The following PRSS55 variants were observed in gnomAD, a reference collection of about 807,000 sequenced individuals.
The protein encoded by PRSS55 is serine protease 55, also known as probable serine protease UNQ9391/PRO34284.
Under a neutral mutation model 23.6 loss-of-function variants are expected in PRSS55, and 41 were observed. The observed-to-expected ratio is 1.74, with a 90% confidence interval of 1.35 to 2.26. The LOEUF (loss-of-function observed/expected upper bound fraction) is 2.26. PRSS55 is among the 30% of genes most tolerant of loss of function. The pLI is 0.00. For synonymous variants in PRSS55, 262 were observed against 175.5 expected (o/e 1.49, Z -3.90); for missense variants, 669 against 439.1 (o/e 1.52, Z -4.68).
chr8:10,542,547 G>C (rs1812687425), downstream of PRSS55, among the ~76,000 whole-genome samples: 1 of 151,976 alleles, frequency 6.6e-6, no homozygotes, highest in Non-Finnish European at 1.5e-5. Flanking sequence ...TTTGTGGTGG[G>C]TAATTTGAGA....
chr8:10,549,110 G>A (rs911202434), intron 4 of PRSS55, among the ~76,000 whole-genome samples: 6 of 152,162 alleles, frequency 3.9e-5, no homozygotes, highest in South Asian at 2.1e-4. Flanking sequence ...GAAAACATTC[G>A]CTTACCCTGG....
intron 4 of PRSS55, among the ~76,000 whole-genome samples, chr8:10,551,218 C>T (rs144436922): frequency 1.2e-4 from 19 of 152,300 alleles, no homozygotes; most frequent in Non-Finnish European, 2.6e-4. Context: ...AGGAAGCAAT[C>T]GGGCACACAG....
downstream of PRSS55, among the ~76,000 whole-genome samples, chr8:10,541,724 G>A (rs1298371577): frequency 6.6e-6 from 1 of 152,138 alleles, no homozygotes; most frequent in Non-Finnish European, 1.5e-5. Context: ...CTGTGAAGGG[G>A]CTTCTTAGAA....
chr8:10,529,266 A>G lies in PRSS55; in HGVS notation c.155-241A>G, dbSNP rs920827116. 16 of 568,922 alleles carry G rather than the reference A, an allele frequency of 2.8e-5. No homozygotes were observed. In the East Asian group the frequency reaches 4.8e-4, roughly 17 times the overall value. The allele number at this position is 568,922 out of a possible 1,614,324, so 35.2% of individuals were successfully genotyped here. On this transcript the variant is annotated intron_variant, in intron 1 of 4. Transcript: ENST00000328655. ...ACTCTCCTGAGGTCACAAATGCTGG[A>G]TAGAGTCAGAGCCAATGCTTCTGAC...
In PRSS55 at chr8:10,525,732, A is replaced by G. The variant is rs564137150; in HGVS notation, c.147A>G (p.Pro49=). ...CTCAGCCCCCTCATCCCCCCAGCCC[A>G]GTCAGTGGTGAGTACAGGGGCAGAA... ...HRPQPPHPPS[P]VSECGDRSIF... The change falls in exon 1 of 5, where the codon CCA becomes CCG. Residue 49 remains proline (P), a synonymous_variant. Transcript: ENST00000328655. 1.2e-6 allele frequency: 2 copies of G among 1,605,962 alleles called. No homozygotes were observed. Among genetic ancestry groups the G allele is most frequent in the Admixed American group, 3.4e-5 (2 of 58,684 alleles).
At chr8:10,547,210 G>A (rs903601866) in intron 4 of PRSS55, among the ~76,000 whole-genome samples, 15 of 152,164 alleles carry the variant, frequency 9.9e-5, no homozygotes, top group African/African-American at 3.1e-4. Context: ...ACTCTTTCCA[G>A]AGTGAGCCGC....
At chr8:10,534,820 T>G (rs1246802268) in intron 4 of PRSS55, among the ~76,000 whole-genome samples, 1 of 152,208 alleles carries the variant, frequency 6.6e-6, no homozygotes, top group Admixed American at 6.5e-5. Flanking sequence ...GAAAACCCCA[T>G]AGTCTCTGCC....
chr8:10,534,155 A>G (rs1404627986), intron 4 of PRSS55, among the ~76,000 whole-genome samples: 1 of 152,202 alleles, frequency 6.6e-6, no homozygotes, highest in Non-Finnish European at 1.5e-5. Context: ...TGCACACAGA[A>G]TTGAGACTTC....
chr8:10,531,518 G>C lies in PRSS55; in HGVS notation c.571G>C (p.Val191Leu), dbSNP rs200269616. The part of the protein sequence containing the change: ...PGPATWRECW[V>L]AGWGQTNAAD... ...CCCTGCCACATGGCGCGAATGCTGG[G>C]TGGCAGGTTGGGGCCAGACCAATGC... Residue 191 changes from valine (V) to leucine (L), a missense_variant, in exon 3 of 5, where the codon GTG becomes CTG. Transcript: ENST00000328655. The C allele has an allele frequency of 5.0e-6, 8 of 1,613,818 alleles. No individual in the cohort carries two copies. In the East Asian group the frequency reaches 1.6e-4, roughly 31 times the overall value.
chr8:10,547,966 A>T (rs1156871964), intron 4 of PRSS55, among the ~76,000 whole-genome samples: 1 of 152,042 alleles, frequency 6.6e-6, no homozygotes, highest in Admixed American at 6.5e-5. Flanking sequence ...ACAGGGAAGA[A>T]GGAGTGTGGG....
intron 4 of PRSS55, among the ~76,000 whole-genome samples, chr8:10,549,835 T>G (rs1052523874): frequency 2.6e-5 from 4 of 152,214 alleles, no homozygotes. Context: ...AAGGTGGTGG[T>G]AAGGCCCTGT....
At chr8:10,526,420 C>G (rs927232728) in intron 1 of PRSS55, among the ~76,000 whole-genome samples, 1 of 152,236 alleles carries the variant, frequency 6.6e-6, no homozygotes. Context: ...CCTGTGCACA[C>G]CACTTCTTGC....
At chr8:10,549,952 G>T (rs1392341660) in intron 4 of PRSS55, among the ~76,000 whole-genome samples, 1 of 152,170 alleles carries the variant, frequency 6.6e-6, no homozygotes, top group Non-Finnish European at 1.5e-5. Flanking sequence ...GACAGTCTCA[G>T]TCTATTGCTC....
In PRSS55 at chr8:10,529,794, C is replaced by A. The variant is rs889346363; in HGVS notation, c.347+95C>A. ...ACACCTGGTGGCTGAGAGGAACCTG[C>A]GACTGCTCGGTATCCAGTCGGCATG... On this transcript the variant is annotated intron_variant, in intron 2 of 4. Transcript: ENST00000328655. 4 of 1,227,454 alleles carry A rather than the reference C, an allele frequency of 3.3e-6. No individual in the cohort carries two copies. In the South Asian group the frequency reaches 4.2e-5, roughly 13 times the overall value. 76.0% of individuals were successfully genotyped at this position (1,227,454 alleles called of 1,614,324 possible).
exon 5 of PRSS55, chr8:10,554,062 T>C: frequency 2.8e-6 from 4 of 1,441,976 alleles, no homozygotes; most frequent in Non-Finnish European, 3.7e-6. Context: ...CATGGAGCCA[T>C]TTTTGGGGCA....
intron 4 of PRSS55, among the ~76,000 whole-genome samples, chr8:10,534,596 C>A (rs746191946): frequency 5.9e-5 from 9 of 152,124 alleles, no homozygotes; most frequent in Non-Finnish European, 1.2e-4. Context: ...TATGACAAAC[C>A]CACAGCCAAC....
intron 4 of PRSS55, among the ~76,000 whole-genome samples, chr8:10,546,748 A>G (rs988324866): frequency 1.3e-5 from 2 of 152,130 alleles, no homozygotes; most frequent in Admixed American, 6.5e-5. Flanking sequence ...CAGTGGCCCA[A>G]TCAAGGCCCA....
At chr8:10,547,166 G>A (rs933393120) in intron 4 of PRSS55, among the ~76,000 whole-genome samples, 5 of 152,098 alleles carry the variant, frequency 3.3e-5, no homozygotes, top group African/African-American at 9.7e-5. Context: ...CGCAATTCCC[G>A]CCACCCTTGT....
intron 4 of PRSS55, among the ~76,000 whole-genome samples, chr8:10,544,169 G>A (rs1290722079): frequency 3.3e-5 from 5 of 151,904 alleles, no homozygotes; most frequent in African/African-American, 1.2e-4. Flanking sequence ...TCCTTCAATT[G>A]TCATTTTTTG....
Sources: gnomAD v4.1 joint callset for allele counts (sites outside exome capture counted in the v4.1 genomes callset) on GRCh38, gnomAD v4.1.1 for gene constraint, MANE v1.5 for transcripts, NCBI Gene and HGNC (gene_info 2026-07-23, HGNC 2026-07-21) for gene names.